Variants in DENND2B observed in about 807,000 individuals in gnomAD.
DENND2B encodes DENN domain containing 2B, also known as DENN domain-containing protein 2B.
Under a neutral mutation model 116.0 loss-of-function variants are expected in DENND2B, and 32 were observed. The ratio of observed to expected loss-of-function variants is 0.28; its 90% confidence interval spans 0.21 to 0.37. The LOEUF is 0.37. Ranked by LOEUF, DENND2B falls within the 10% of genes least tolerant of loss-of-function variation. The probability of loss-of-function intolerance (pLI) is 1.00; values close to 1 mark genes in which losing one functional copy is unlikely to be tolerated. For missense variants in DENND2B, 1,276 were observed against 1,477.7 expected, an observed-to-expected ratio of 0.86 and a Z score of 2.24; for synonymous variants, 588 against 583.9, an observed-to-expected ratio of 1.01 and a Z score of -0.10.
At chr11:8,708,806 C>T (rs1482429882) in intron 11 of DENND2B, among the ~76,000 whole-genome samples, 1 of 152,132 alleles carries the variant, frequency 6.6e-6, no homozygotes, top group Non-Finnish European at 1.5e-5. Flanking sequence ...ACAAAATTAG[C>T]CGGTCATAGT....
chr11:8,696,638 C>A lies in DENND2B; in HGVS notation c.3081G>T (p.Ser1027=). 6.2e-7 allele frequency: 1 copy of A among 1,614,140 alleles called. No individual in the cohort carries two copies. The highest frequency in any genetic ancestry group is 8.5e-7 in the Non-Finnish European group (1 of 1,180,030). Residue 1027 remains serine (S), a synonymous_variant, in exon 18 of 20, where the codon TCG becomes TCT. Coordinates refer to ENST00000313726, the MANE Select transcript of DENND2B (RefSeq NM_213618.2). ...DECNTLNGLV[S]EVFIRFFVET... is the part of the protein sequence containing the mutation. ...CCACAAAGAACCGGATAAACACCTC[C>A]GACACCAGCCCATTGAGGGTATTAC...
chr11:8,887,731 C>T (rs2063978104), intron 1 of DENND2B, among the ~76,000 whole-genome samples: 1 of 152,182 alleles, frequency 6.6e-6, no homozygotes, highest in African/African-American at 2.4e-5. Flanking sequence ...GGGAGCAAAA[C>T]TTCCCTAATC....
At chr11:8,874,174 C>T (rs1218904413), upstream of DENND2B, among the ~76,000 whole-genome samples, 2 of 152,198 alleles carry the variant, frequency 1.3e-5, no homozygotes, top group African/African-American at 4.8e-5. Context: ...AAGCCATTTC[C>T]TCTGTACGGT....
At chr11:8,840,963 C>T (rs576678033) in intron 3 of DENND2B, among the ~76,000 whole-genome samples, 2 of 152,254 alleles carry the variant, frequency 1.3e-5, no homozygotes, top group Admixed American at 6.5e-5. Context: ...GGACTCCCAA[C>T]AGTAACTGTG....
At chr11:8,784,104 C>T (rs55791345) in intron 1 of DENND2B, 1 of 152,140 alleles carries the variant, frequency 6.6e-6, no homozygotes, top group Admixed American at 6.5e-5. Context: ...TTCATAAAGT[C>T]TGTCATAAGA....
intron 1 of DENND2B, among the ~76,000 whole-genome samples, chr11:8,777,812 T>C (rs370096453): frequency 2.0e-5 from 3 of 152,230 alleles, no homozygotes; most frequent in African/African-American, 4.8e-5. Flanking sequence ...TTTCCAGCAG[T>C]GGAGACTCAC....
intron 2 of DENND2B, among the ~76,000 whole-genome samples, chr11:8,860,923 A>G (rs763113263): frequency 6.6e-6 from 1 of 152,152 alleles, no homozygotes; most frequent in Non-Finnish European, 1.5e-5. Flanking sequence ...GCAAACAAAA[A>G]CATAAACTGG....
intron 1 of DENND2B, among the ~76,000 whole-genome samples, chr11:8,784,893 C>A (rs1183734435): frequency 6.6e-6 from 1 of 151,864 alleles, no homozygotes; most frequent in East Asian, 1.9e-4. Flanking sequence ...GGTAAGCCAG[C>A]GGGTAATCAT....
At chr11:8,694,648 A>G (rs1411502642) in intron 19 of DENND2B, 2 of 456,224 alleles carry the variant, frequency 4.4e-6, no homozygotes, top group Middle Eastern at 3.2e-4. Flanking sequence ...TTCCATGTTT[A>G]TAGATTCAAC....
chr11:8,814,299 G>T, upstream of DENND2B, among the ~76,000 whole-genome samples: 1 of 116,194 alleles, frequency 8.6e-6, no homozygotes. Flanking sequence ...ACCAGATCAG[G>T]TCATTTCCTG....
intron 1 of DENND2B, among the ~76,000 whole-genome samples, chr11:8,755,924 G>A (rs2053535796): frequency 6.6e-6 from 1 of 152,218 alleles, no homozygotes; most frequent in Admixed American, 6.5e-5. Context: ...TCAGCCCAGT[G>A]CCAAGTAAAG....
At chr11:8,891,040 C>T (rs1348941559) in intron 1 of DENND2B, among the ~76,000 whole-genome samples, 1 of 152,206 alleles carries the variant, frequency 6.6e-6, no homozygotes. Flanking sequence ...AACAGTGGAT[C>T]TCTTGGTAGA....
intron 1 of DENND2B, among the ~76,000 whole-genome samples, chr11:8,783,309 C>T (rs1336461902): frequency 1.3e-5 from 2 of 152,088 alleles, no homozygotes; most frequent in African/African-American, 2.4e-5. Flanking sequence ...CTGCTTTGGC[C>T]CACATAGCTA....
At chr11:8,746,405 C>G (rs1471767451) in intron 2 of DENND2B, among the ~76,000 whole-genome samples, 1 of 152,250 alleles carries the variant, frequency 6.6e-6, no homozygotes, top group Non-Finnish European at 1.5e-5. Flanking sequence ...ATGTAAGTTA[C>G]TGAGCCAGAT....
chr11:8,882,476 A>G (rs933473799), intron 1 of DENND2B, among the ~76,000 whole-genome samples: 26 of 152,198 alleles, frequency 1.7e-4, no homozygotes, highest in Non-Finnish European at 3.2e-4. Flanking sequence ...AGCATGGGTT[A>G]TTTATCTATC....
chr11:8,896,170 C>G (rs1263969908), intron 1 of DENND2B, among the ~76,000 whole-genome samples: 1 of 152,102 alleles, frequency 6.6e-6, no homozygotes, highest in African/African-American at 2.4e-5. Context: ...CCCTGGAGAT[C>G]TGGCTACCTA....
intron 1 of DENND2B, among the ~76,000 whole-genome samples, chr11:8,805,365 A>G (rs2060749437): frequency 6.6e-6 from 1 of 152,254 alleles, no homozygotes. Flanking sequence ...TCAGAACTCC[A>G]TAAGGTAGCC....
At chr11:8,699,461 G>GTAAACCTTT in intron 14 of DENND2B, 71 bp from the exon 15 acceptor site, 1 of 1,464,876 alleles carries the variant, frequency 6.8e-7, no homozygotes, top group Non-Finnish European at 9.1e-7. Context: ...GGAGGCTCAG[G>GTAAACCTTT]ACAGCCTTTG....
rs1032211190 is a variant in DENND2B, at chr11:8,702,159, C to G, written c.2720+413G>C. 6.6e-6 allele frequency among the ~76,000 whole-genome samples: 1 copy of G among 152,164 alleles called. No homozygotes were observed. Among genetic ancestry groups the G allele is most frequent in the Non-Finnish European group, 1.5e-5 (1 of 68,020 alleles). On this transcript the variant is annotated intron_variant, in intron 14 of 19. Transcript: ENST00000313726. This position sits in a 1 kb window ranked among gnomAD's most constrained non-coding sequence, Gnocchi z 4.6. Reference sequence around the variant, plus strand: ...CACTGTCCCCGGTCAGTGCTCTTGCCCCTTCCTCACAGCAGCTCTTTCCTC... The same window carrying G: ...CACTGTCCCCGGTCAGTGCTCTTGCGCCTTCCTCACAGCAGCTCTTTCCTC...
Sources: gnomAD v4.1 joint callset for allele counts (sites outside exome capture counted in the v4.1 genomes callset) on GRCh38, gnomAD v4.1.1 for gene constraint, Gnocchi (gnomAD v3.1) non-coding constraint, MANE v1.5 for transcripts, NCBI Gene and HGNC (gene_info 2026-07-23, HGNC 2026-07-21) for gene names.